The following AKR1A1 variants were observed in gnomAD, a reference collection of about 807,000 sequenced individuals.
AKR1A1 encodes aldo-keto reductase family 1 member A1, also known as HEL-S-165mP.
In AKR1A1, 26 loss-of-function variants were observed where a neutral mutation model predicts 39.2. The observed-to-expected ratio is 0.66, with a 90% CI of 0.49 to 0.92. The LOEUF is 0.92. AKR1A1 is among the 40% of genes least tolerant of loss of function. The pLI is 0.00. For missense variants in AKR1A1, 378 were observed against 406.5 expected, an observed-to-expected ratio of 0.93 and a Z score of 0.60; for synonymous variants, 141 against 155.5, an observed-to-expected ratio of 0.91 and a Z score of 0.69.
At position 45,568,043 on chromosome 1, in the gene AKR1A1, T is replaced by C. The variant is rs777984655; in HGVS notation, c.418T>C (p.Tyr140His). Residue 140 changes from tyrosine to histidine, a missense_variant, in exon 5 of 9, where the codon TAC becomes CAC. Physicochemically the swap from Tyr to His is moderately conservative, Grantham distance 83. Coordinates refer to ENST00000351829, the MANE Select transcript of AKR1A1 (RefSeq NM_153326.3). ...DGTICYDSTH[Y>H]KETWKALEAL... ...GACTATATGCTACGACTCCACCCAC[T>C]ACAAGGAGACTTGGAAGGCTCTGGA... is the stretch of plus-strand genomic sequence containing the variant. The C allele has an allele frequency of 3.5e-5, 56 of 1,613,964 alleles. No homozygotes were observed. The highest frequency in any genetic ancestry group is 4.5e-5 in the Non-Finnish European group (53 of 1,179,998).
At chr1:45,563,592 C>T (rs1187313284) in intron 2 of AKR1A1, among the ~76,000 whole-genome samples, 6 of 151,854 alleles carry the variant, frequency 4.0e-5, no homozygotes, top group Admixed American at 1.3e-4. Flanking sequence ...GAGTTCGAGA[C>T]CAGCCTGACC....
intron 4 of AKR1A1, 150 bp from the exon 5 acceptor site, chr1:45,567,826 CAAAAAA>C (rs372088222): frequency 5.6e-6 from 3 of 533,334 alleles, no homozygotes; most frequent in Admixed American, 4.1e-5. Flanking sequence ...GACTCCATCT[CAAAAAA>C]AAAAAAAAAG....
chr1:45,555,826 C>T (rs1030100189), intron 1 of AKR1A1, among the ~76,000 whole-genome samples: 2 of 152,154 alleles, frequency 1.3e-5, no homozygotes, highest in South Asian at 2.1e-4. Context: ...ACTGTTTCCT[C>T]TGTACTCTAC....
Position 45,551,100 on chromosome 1 carries a change from G to T in AKR1A1, c.-62G>T, listed in dbSNP as rs1200953607. ...TGAGGATCGTTGGATCTCTGGCGGG[G>T]TGCAGAACTGAGCCCAGGCCACAGT... On this transcript the variant is annotated 5_prime_UTR_variant, in exon 1 of 9. Transcript: ENST00000351829. The T allele has an allele frequency of 6.6e-6, 1 of 152,314 alleles. No individual in the cohort carries two copies. The highest frequency in any genetic ancestry group is 1.9e-4 in the East Asian group (1 of 5,194). 9.4% of individuals were successfully genotyped at this position (152,314 alleles called of 1,614,324 possible).
rs682953 is a variant in AKR1A1, at chr1:45,560,394, C to A, written c.-6-1395C>A. Among the ~76,000 whole-genome samples the A allele has an allele frequency of 1.2e-3, 186 of 152,318 alleles. 9 individuals are homozygous for A. The highest frequency in any genetic ancestry group is 4.3e-3 in the African/African-American group (180 of 41,570). ...TCAGGGTGCTGAAGTGGCTGGATAGCTTGAGGTCAGAAGTTCAAGACCAGC... is the reference window on the plus strand; with the variant it reads ...TCAGGGTGCTGAAGTGGCTGGATAGATTGAGGTCAGAAGTTCAAGACCAGC... On this transcript the variant is annotated intron_variant, in intron 1 of 8. Transcript: ENST00000351829.
At chr1:45,567,843 A>G in intron 4 of AKR1A1, 139 bp from the exon 5 acceptor site, 2 of 805,326 alleles carry the variant, frequency 2.5e-6, no homozygotes, top group Non-Finnish European at 3.7e-6. Context: ...AAAAAAAAAG[A>G]AAAAGCATGG....
At position 45,561,790 on chromosome 1, in the gene AKR1A1, G is replaced by T; in HGVS notation, c.-5G>T. 1 of 1,614,040 alleles carries T rather than the reference G, an allele frequency of 6.2e-7. No homozygotes were observed. The highest frequency in any genetic ancestry group is 8.5e-7 in the Non-Finnish European group (1 of 1,179,940). On this transcript the variant is annotated splice_region_variant and 5_prime_UTR_variant, in exon 2 of 9. Transcript: ENST00000351829. ...ATTCTCTTCCCATCTGTGTTTCAGG[G>T]GGCAATGGCGGCTTCCTGTGTTCTA...
rs147926975 is a variant in AKR1A1 at position 45,568,087 on chromosome 1, G to C, written c.462G>C (p.Gly154=). 7.4e-6 allele frequency: 12 copies of C among 1,613,972 alleles called. No homozygotes were observed. The African/African-American group carries it at 1.5e-4, about 20-fold the overall frequency. The change falls in exon 5 of 9, where the codon GGG becomes GGC. Residue 154 remains glycine, a synonymous_variant. Coordinates refer to ENST00000351829, the MANE Select transcript of AKR1A1 (RefSeq NM_153326.3). ...WKALEALVAK[G]LVQALGLSNF... is the part of the protein sequence containing the mutation. ...CTCTGGAGGCACTGGTGGCTAAGGG[G>C]CTGGTGCAGGCGCTGGGCCTGTCCA...
chr1:45,569,854 C>T (rs1003120007), intron 8 of AKR1A1, 37 bp from the exon 9 acceptor site: 5 of 1,595,484 alleles, frequency 3.1e-6, no homozygotes, highest in Non-Finnish European at 4.3e-6. Flanking sequence ...AATGGCAACT[C>T]CTGCTGATGG....
rs550253 is a variant in AKR1A1, at chr1:45,555,565, T to G, written c.-7+4410T>G. On this transcript the variant is annotated intron_variant, in intron 1 of 8. Coordinates refer to ENST00000351829, the MANE Select transcript of AKR1A1 (RefSeq NM_153326.3). The stretch of plus-strand genomic sequence containing the variant: ...TATTAGGAATTATAAGTATTTAGAG[T>G]TGATTAAAATATACAGGAAGATGTA... Among the ~76,000 whole-genome samples, 187 of 152,190 alleles carry G rather than the reference T, an allele frequency of 1.2e-3. 9 individuals carry two copies. Among genetic ancestry groups the G allele is most frequent in the African/African-American group, 4.4e-3 (181 of 41,524 alleles).
rs575023236 is a variant in AKR1A1 at position 45,564,587 on chromosome 1, C to G, written c.85-1982C>G. Among the ~76,000 whole-genome samples the G allele has an allele frequency of 5.7e-4, 86 of 151,704 alleles. No homozygotes were observed. In the South Asian group the frequency reaches 0.012, roughly 21 times the overall value. On this transcript the variant is annotated intron_variant, in intron 2 of 8. Coordinates refer to ENST00000351829, the MANE Select transcript of AKR1A1 (RefSeq NM_153326.3). ...TTATCTGCCTTCCTTAATCTTTTCC[C>G]CCTTCTAACCTCTTTTGCTGGCCTG...
intron 2 of AKR1A1, among the ~76,000 whole-genome samples, chr1:45,565,122 A>ATTTT (rs11351880): frequency 9.3e-5 from 5 of 53,584 alleles, no homozygotes; most frequent in Non-Finnish European, 1.3e-4. Context: ...ACACCCAGCC[A>ATTTT]TTTTTTTTTT....
At position 45,568,576 on chromosome 1, in the gene AKR1A1, C is replaced by G; in HGVS notation, c.644C>G (p.Ser215Cys). 6.2e-7 allele frequency: 1 copy of G among 1,613,946 alleles called. No individual in the cohort carries two copies. Among genetic ancestry groups the G allele is most frequent in the South Asian group, 1.1e-5 (1 of 91,058 alleles). Residue 215 changes from serine (S) to cysteine (C), a missense_variant, in exon 6 of 9, where the codon TCC (serine) becomes TGC (cysteine). Ser to Cys is a moderately radical substitution (Grantham distance 112). Transcript: ENST00000351829. ...LEVTAYSPLG[S>C]SDRAWRDPDE... ...GTAACTGCTTATAGCCCTTTGGGCT[C>G]CTCTGATCGTGCATGGCGTGATCCT...
Position 45,568,498 on chromosome 1 carries a change from C to A in AKR1A1, c.566C>A (p.Pro189Gln). Residue 189 changes from proline (P) to glutamine (Q), a missense_variant, in exon 6 of 9, where the codon CCA (proline) becomes CAA (glutamine). Coordinates refer to ENST00000351829, the MANE Select transcript of AKR1A1 (RefSeq NM_153326.3). ...TCTTTGGCTCAGGTGGAATGCCACC[C>A]ATACTTGGCTCAAAATGAGCTAATT... ...RPAVLQVECH[P>Q]YLAQNELIAH... 2.5e-6 allele frequency: 4 copies of A among 1,613,684 alleles called. No homozygotes were observed. Among genetic ancestry groups the A allele is most frequent in the Non-Finnish European group, 3.4e-6 (4 of 1,180,016 alleles).
intron 1 of AKR1A1, among the ~76,000 whole-genome samples, chr1:45,553,550 A>T (rs75598025): frequency 6.6e-6 from 1 of 152,238 alleles, no homozygotes; most frequent in Non-Finnish European, 1.5e-5. Context: ...TACAGGAAGC[A>T]TTATTGCAAT....
intron 1 of AKR1A1, among the ~76,000 whole-genome samples, chr1:45,559,335 G>C (rs747798824): frequency 4.6e-5 from 7 of 152,130 alleles, no homozygotes; most frequent in Non-Finnish European, 1.0e-4. Context: ...CTTTCCAGAG[G>C]GGGAGGCTCC....
At chr1:45,563,649 C>T (rs531426439) in intron 2 of AKR1A1, among the ~76,000 whole-genome samples, 28 of 151,914 alleles carry the variant, frequency 1.8e-4, no homozygotes, top group African/African-American at 6.3e-4. Flanking sequence ...ATTAGCCAGG[C>T]GTGGTGGTGC....
At chr1:45,557,051 G>A (rs1054937730) in intron 1 of AKR1A1, among the ~76,000 whole-genome samples, 2 of 151,666 alleles carry the variant, frequency 1.3e-5, no homozygotes, top group Admixed American at 6.6e-5. Context: ...TTAGCTGGGC[G>A]TGGTGGCACA....
intron 2 of AKR1A1, among the ~76,000 whole-genome samples, chr1:45,564,001 CCTT>C (rs1286050876): frequency 1.3e-5 from 2 of 152,166 alleles, no homozygotes; most frequent in Admixed American, 6.6e-5. Flanking sequence ...AGGGCTTCTT[CCTT>C]CTTCCTTGGA....
Sources: allele counts gnomAD v4.1 joint callset (sites outside exome capture counted in the v4.1 genomes callset), GRCh38; gene constraint gnomAD v4.1.1; transcripts MANE v1.5; gene names NCBI Gene and HGNC (gene_info 2026-07-23, HGNC 2026-07-21).